The following KRR1 variants were observed in gnomAD, a reference collection of about 807,000 sequenced individuals.
KRR1 encodes the protein KRR1 small subunit processome component homolog.
KRR1 carries 23 observed loss-of-function variants against 50.0 expected under a neutral mutation model. The observed-to-expected ratio is 0.46, with a 90% CI of 0.33 to 0.65. The LOEUF (loss-of-function observed/expected upper bound fraction) is 0.65, where lower values mean the gene tolerates loss of function less well. KRR1 is among the 30% of genes least tolerant of loss of function. KRR1 has a pLI of 0.02. For synonymous variants in KRR1, 133 were observed against 146.3 expected, an observed-to-expected ratio of 0.91 and a Z score of 0.66; for missense variants, 419 against 442.4, an observed-to-expected ratio of 0.95 and a Z score of 0.47.
chr12:75,499,564 T>C lies in KRR1; in HGVS notation c.*245A>G, dbSNP rs889185938. The C allele has an allele frequency of 2.1e-5, 5 of 236,380 alleles. No homozygotes were observed. The South Asian group carries it at 3.9e-4, about 18-fold the overall frequency. 14.6% of individuals were successfully genotyped at this position (236,380 alleles called of 1,614,324 possible). ...ATTACTAACCAATAGCATCAGACAC[T>C]GGATTTAATGGATAATCACAATGGT... On this transcript the variant is annotated 3_prime_UTR_variant, in exon 10 of 10. Transcript: ENST00000229214.
chr12:75,499,089 A>G lies in KRR1; in HGVS notation c.*720T>C, dbSNP rs1463973182. On this transcript the variant is annotated 3_prime_UTR_variant, in exon 10 of 10. Coordinates refer to ENST00000229214, the MANE Select transcript of KRR1 (RefSeq NM_007043.7). Reference sequence around the variant, plus strand: ...ATTTTAAAACATTTCAGAAAAAAATATATGTTATAGCAATACTCTTACTCA... The same window carrying G: ...ATTTTAAAACATTTCAGAAAAAAATGTATGTTATAGCAATACTCTTACTCA... 6 of 632,994 alleles carry G rather than the reference A, an allele frequency of 9.5e-6. No individual in the cohort carries two copies. Among genetic ancestry groups the G allele is most frequent in the Non-Finnish European group, 1.5e-5 (6 of 387,374 alleles). 39.2% of individuals were successfully genotyped at this position (632,994 alleles called of 1,614,324 possible).
Position 75,496,694 on chromosome 12 carries a change from T to C in KRR1, c.*3115A>G, listed in dbSNP as rs1473569710. ...CCGGGCTAGAGTAGGGTGCTTAGAA[T>C]AGAGGAAGGACAGAGTCGGCCAAGT... On this transcript the variant is annotated 3_prime_UTR_variant, in exon 10 of 10. Coordinates refer to ENST00000229214, the MANE Select transcript of KRR1 (RefSeq NM_007043.7). 6.6e-6 allele frequency: 1 copy of C among 152,146 alleles called. No individual in the cohort carries two copies. The highest frequency in any genetic ancestry group is 1.5e-5 in the Non-Finnish European group (1 of 68,036). 9.4% of individuals were successfully genotyped at this position (152,146 alleles called of 1,614,324 possible).
Position 75,508,229 on chromosome 12 carries a change from A to C in KRR1, c.258+45T>G. On this transcript the variant is annotated intron_variant, in intron 2 of 9. Coordinates refer to ENST00000229214, the MANE Select transcript of KRR1 (RefSeq NM_007043.7). ...CATACATACATTTAAAGGCATAAGC[A>C]AGAGCAAAGTCTCAAATAAATGTAT... 4 of 1,450,336 alleles carry C rather than the reference A, an allele frequency of 2.8e-6. No individual in the cohort carries two copies. The East Asian group carries it at 9.4e-5, about 34-fold the overall frequency. The allele number at this position is 1,450,336 out of a possible 1,614,324, so 89.8% of individuals were successfully genotyped here.
At chr12:75,507,774 TA>T (rs2046429306) in intron 2 of KRR1, among the ~76,000 whole-genome samples, 1 of 152,100 alleles carries the variant, frequency 6.6e-6, no homozygotes, top group Non-Finnish European at 1.5e-5. Flanking sequence ...AAAGGCTCAT[TA>T]TAGCCATTAA....
rs2046339586 is a variant in KRR1 at position 75,494,552 on chromosome 12, A to ATAAC, written c.*5253_*5256dup. The ATAAC allele has an allele frequency of 6.6e-6, 1 of 152,214 alleles. No individual in the cohort carries two copies. The highest frequency in any genetic ancestry group is 1.5e-5 in the Non-Finnish European group (1 of 68,026). The allele number at this position is 152,214 out of a possible 1,614,324, so 9.4% of individuals were successfully genotyped here. The stretch of plus-strand genomic sequence containing the variant: ...CACAAATCTTGTTTTAAACATTTTG[A>ATAAC]TAACTATTTCAATTTAATTGGTTTC... On this transcript the variant is annotated 3_prime_UTR_variant, in exon 10 of 10. Coordinates refer to ENST00000229214, the MANE Select transcript of KRR1 (RefSeq NM_007043.7).
chr12:75,508,000 G>A (rs1405066641), intron 2 of KRR1, among the ~76,000 whole-genome samples: 2 of 152,166 alleles, frequency 1.3e-5, no homozygotes, highest in South Asian at 2.1e-4. Flanking sequence ...TACTGAAATT[G>A]GGACTTCACA....
chr12:75,511,329 T>C (rs1475043950), intron 1 of KRR1, among the ~76,000 whole-genome samples, 184 bp downstream of exon 1: 1 of 152,208 alleles, frequency 6.6e-6, no homozygotes, highest in Non-Finnish European at 1.5e-5. Context: ...TAGGAACACC[T>C]GGGTGGCACC....
In KRR1 at chr12:75,499,944, A is replaced by G; in HGVS notation, c.1011T>C (p.Thr337=). ...KPIVKPKEAS[T]ETKIDVASIK... ...TGCTGGCCACATCAATTTTAGTTTC[A>G]GTAGAAGCTAGACAAATTAAAAGCA... The change falls in exon 10 of 10, where the codon ACT becomes ACC. Residue 337 remains threonine, a synonymous_variant. Transcript: ENST00000229214. The G allele has an allele frequency of 6.3e-7, 1 of 1,598,636 alleles. No individual in the cohort carries two copies.
intron 6 of KRR1, 141 bp from the exon 7 acceptor site, chr12:75,504,215 G>T: frequency 2.0e-6 from 1 of 488,414 alleles, no homozygotes; most frequent in Non-Finnish European, 3.5e-6. Flanking sequence ...AATTACATAA[G>T]CAAAAAGGTA....
In KRR1 at chr12:75,508,375, C is replaced by T. The variant is rs777274509; in HGVS notation, c.157G>A (p.Gly53Arg). ...PAFSKEDNPR[G>R]LLEESSFATL... ...GCGAAACTGCTCTCCTCCAAAAGTC[C>T]TCTGGGATTGTCCTCTTTGGAAAAA... is the stretch of plus-strand genomic sequence containing the variant. The change falls in exon 2 of 10, where the codon GGA becomes AGA. Residue 53 changes from glycine to arginine, a missense_variant. Transcript: ENST00000229214. 4.3e-6 allele frequency: 7 copies of T among 1,613,328 alleles called. No homozygotes were observed. The South Asian group carries it at 7.7e-5, about 18-fold the overall frequency.
Position 75,496,466 on chromosome 12 carries a change from T to A in KRR1, c.*3343A>T, listed in dbSNP as rs2046352266. 6.6e-6 allele frequency: 1 copy of A among 152,210 alleles called. No individual in the cohort carries two copies. 9.4% of individuals were successfully genotyped at this position (152,210 alleles called of 1,614,324 possible). On this transcript the variant is annotated 3_prime_UTR_variant, in exon 10 of 10. Transcript: ENST00000229214. The stretch of plus-strand genomic sequence containing the variant: ...AGTTAAATTTCCAAGGATGTTTTAC[T>A]AAACATCCAAGCAAAATTCTGCTTT...
chr12:75,505,390 T>A (rs1440788432), intron 5 of KRR1, 136 bp from the exon 6 acceptor site: 11 of 811,754 alleles, frequency 1.4e-5, no homozygotes. Flanking sequence ...TTCCTTCAAC[T>A]GCTCTGAGTG....
intron 2 of KRR1, among the ~76,000 whole-genome samples, chr12:75,507,544 T>C (rs929838024): frequency 1.3e-5 from 2 of 152,056 alleles, no homozygotes; most frequent in Non-Finnish European, 2.9e-5. Flanking sequence ...GTTGAGTCTC[T>C]ATGAGTTTAC....
At chr12:75,505,051 T>C in intron 6 of KRR1, 147 bp downstream of exon 6, 1 of 758,130 alleles carries the variant, frequency 1.3e-6, no homozygotes, top group South Asian at 1.8e-5. Flanking sequence ...TTAAGTAGGC[T>C]GAAGTCTACC....
intron 9 of KRR1, chr12:75,500,976 T>G (rs2120594474): frequency 6.6e-6 from 1 of 152,208 alleles, no homozygotes; most frequent in East Asian, 1.9e-4. Flanking sequence ...TTTAAAGCTA[T>G]TAACAAGCAA....
chr12:75,504,959 A>G (rs932370128), intron 6 of KRR1, among the ~76,000 whole-genome samples: 3 of 152,024 alleles, frequency 2.0e-5, no homozygotes, highest in African/African-American at 7.2e-5. Context: ...ACTATATAAC[A>G]TATTACAGTA....
In KRR1 at chr12:75,501,946, G is replaced by A. The variant is rs577073370; in HGVS notation, c.886C>T (p.Arg296Trp). 1.6e-5 allele frequency: 25 copies of A among 1,612,282 alleles called. No homozygotes were observed. The highest frequency in any genetic ancestry group is 1.7e-4 in the Middle Eastern group (1 of 5,912). Residue 296 changes from arginine to tryptophan, a missense_variant, in exon 8 of 10, where the codon CGG becomes TGG. Transcript: ENST00000229214. ...ACCTTTATTGCTTCCATTTTCTGCC[G>A]CTTCTTCTGATTTGCCTTCAAAAAG... Reference protein sequence around the residue: ...EYFLKANQKKRQKMEAIKAKQ... With the variant: ...EYFLKANQKKWQKMEAIKAKQ...
At chr12:75,501,225 TTAAAAACCACAATC>T in intron 9 of KRR1, 1 of 152,910 alleles carries the variant, frequency 6.5e-6, no homozygotes, top group Non-Finnish European at 1.5e-5. Flanking sequence ...TTTCTGCCAT[TTAAAAACCACAATC>T]ACTTTCGCAC....
At chr12:75,509,408 G>A (rs1230063588) in intron 1 of KRR1, among the ~76,000 whole-genome samples, 1 of 151,982 alleles carries the variant, frequency 6.6e-6, no homozygotes, top group East Asian at 1.9e-4. Flanking sequence ...TGAAAAACAC[G>A]TCATTACCCT....
Sources: allele counts gnomAD v4.1 joint callset (sites outside exome capture counted in the v4.1 genomes callset), GRCh38; gene constraint gnomAD v4.1.1; transcripts MANE v1.5; gene names NCBI Gene and HGNC (gene_info 2026-07-23, HGNC 2026-07-21).